The following ITK variants were observed in gnomAD, a reference collection of about 807,000 sequenced individuals.
ITK encodes the protein tyrosine-protein kinase ITK/TSK.
A neutral mutation model predicts 87.6 loss-of-function variants in ITK; 45 were observed. The observed-to-expected ratio is 0.51, with a 90% CI of 0.40 to 0.66. The LOEUF is 0.66. ITK is among the 30% of genes least tolerant of loss of function. ITK has a pLI of 0.00. For synonymous variants in ITK, 303 were observed against 273.6 expected (o/e 1.11, Z -1.06); for missense variants, 605 against 766.3 (o/e 0.79, Z 2.48).
At chr5:157,187,720 A>G (rs1363427028) in intron 1 of ITK, among the ~76,000 whole-genome samples, 1 of 152,122 alleles carries the variant, frequency 6.6e-6, no homozygotes, top group African/African-American at 2.4e-5. Flanking sequence ...AGGAGAATTA[A>G]GCAACTCTTT....
intron 16 of ITK, among the ~76,000 whole-genome samples, chr5:157,250,684 T>C (rs1201714344): frequency 1.3e-5 from 2 of 152,068 alleles, no homozygotes; most frequent in Non-Finnish European, 2.9e-5. Flanking sequence ...GCCCAGCTAA[T>C]TTTTTGTATT....
At chr5:157,228,622 A>C (rs1580897739) in intron 7 of ITK, among the ~76,000 whole-genome samples, 1 of 152,308 alleles carries the variant, frequency 6.6e-6, no homozygotes, top group South Asian at 2.1e-4. Flanking sequence ...GAAGTACTTA[A>C]AAAGAAATTT....
intron 16 of ITK, among the ~76,000 whole-genome samples, chr5:157,249,534 T>C (rs988666456): frequency 6.6e-6 from 1 of 152,234 alleles, no homozygotes; most frequent in African/African-American, 2.4e-5. Context: ...ACTATGAGTC[T>C]TAGTCTTTGC....
intron 1 of ITK, among the ~76,000 whole-genome samples, chr5:157,185,532 G>A (rs544723084): frequency 2.1e-4 from 32 of 152,118 alleles, no homozygotes; most frequent in Middle Eastern, 3.4e-3. Context: ...GAGCCATCGC[G>A]CCTGGCCTAT....
chr5:157,244,624 G>T, intron 13 of ITK, 146 bp downstream of exon 13: 1 of 693,746 alleles, frequency 1.4e-6, no homozygotes. Flanking sequence ...TACTTTGGGT[G>T]GTCCTAGTGG....
chr5:157,228,638 C>T (rs76629989), intron 7 of ITK, among the ~76,000 whole-genome samples: 2,478 of 152,070 alleles, frequency 0.016, 26 homozygotes, highest in Non-Finnish European at 0.027. Flanking sequence ...AATTTTTCTT[C>T]TTTAATTTTT....
At chr5:157,237,416 T>C (rs955872999) in intron 8 of ITK, among the ~76,000 whole-genome samples, 22 of 152,214 alleles carry the variant, frequency 1.4e-4, no homozygotes, top group African/African-American at 5.3e-4. Flanking sequence ...ATAGAAAAAC[T>C]ACCTATTGGG....
rs1282328812 is a variant in ITK, at chr5:157,184,593, A to T, written c.138+3478A>T. Among the ~76,000 whole-genome samples, 3 of 152,178 alleles carry T rather than the reference A, an allele frequency of 2.0e-5. No homozygotes were observed. In the East Asian group the frequency reaches 5.8e-4, roughly 29 times the overall value. On this transcript the variant is annotated intron_variant, in intron 1 of 16. Coordinates refer to ENST00000422843, the MANE Select transcript of ITK (RefSeq NM_005546.4). Reference sequence around the variant, plus strand: ...CCTAAATGGGAATAAAGCATCATAGATTGGTGTGGCTCACGTGGCCACTTT... The same window carrying T: ...CCTAAATGGGAATAAAGCATCATAGTTTGGTGTGGCTCACGTGGCCACTTT...
At chr5:157,207,459 C>T (rs532583537) in intron 1 of ITK, among the ~76,000 whole-genome samples, 4 of 139,090 alleles carry the variant, frequency 2.9e-5, no homozygotes, top group African/African-American at 1.1e-4. Flanking sequence ...CCACTCACTG[C>T]AAGCTCCGCC....
intron 1 of ITK, among the ~76,000 whole-genome samples, chr5:157,198,586 C>T (rs1753898168): frequency 6.6e-6 from 1 of 152,062 alleles, no homozygotes; most frequent in African/African-American, 2.4e-5. Context: ...TCCAGGGAGC[C>T]TTGAAATTAA....
chr5:157,228,234 C>G (rs957243956), intron 6 of ITK, 62 bp from the exon 7 acceptor site: 7 of 986,246 alleles, frequency 7.1e-6, no homozygotes, highest in African/African-American at 1.6e-5. Flanking sequence ...ATGGATTAAA[C>G]CTATAAAATG....
chr5:157,229,206 A>G (rs1440331941), intron 7 of ITK, among the ~76,000 whole-genome samples: 1 of 152,254 alleles, frequency 6.6e-6, no homozygotes, highest in Non-Finnish European at 1.5e-5. Flanking sequence ...CAGAGTATCA[A>G]CTGATTCAGG....
chr5:157,245,876 C>T lies in ITK; in HGVS notation c.1515-5C>T, dbSNP rs753202952. On this transcript the variant is annotated splice_region_variant and splice_polypyrimidine_tract_variant and intron_variant, in intron 14 of 16. Coordinates refer to ENST00000422843, the MANE Select transcript of ITK (RefSeq NM_005546.4). ...TCTGACCTTCTCCCTCCACTCTCTTCCCAGGTTCGTTCTGGATGATCAGTA... is the reference window on the plus strand; with the variant it reads ...TCTGACCTTCTCCCTCCACTCTCTTTCCAGGTTCGTTCTGGATGATCAGTA... The T allele has an allele frequency of 6.2e-6, 10 of 1,613,236 alleles. No individual in the cohort carries two copies. In the South Asian group the frequency reaches 9.9e-5, roughly 16 times the overall value.
chr5:157,224,047 G>A (rs977544528), intron 6 of ITK, among the ~76,000 whole-genome samples: 40 of 152,168 alleles, frequency 2.6e-4, no homozygotes, highest in African/African-American at 9.4e-4. Flanking sequence ...AGTTTGGGAG[G>A]CCAAGGTGAG....
intron 7 of ITK, among the ~76,000 whole-genome samples, chr5:157,231,578 C>G (rs1036794947): frequency 1.3e-5 from 2 of 152,158 alleles, no homozygotes; most frequent in Non-Finnish European, 2.9e-5. Context: ...CCTTCCCTAC[C>G]CAGAACTTCT....
Position 157,253,011 on chromosome 5 carries a change from A to T in ITK, c.*333A>T, listed in dbSNP as rs995214094. On this transcript the variant is annotated 3_prime_UTR_variant, in exon 17 of 17. Transcript: ENST00000422843. ...GCACTTCTTAGCAACAGAGAGAGAC[A>T]TGAGTAAGACCCAGATTGCTATTTT... The T allele has an allele frequency of 2.3e-5, 10 of 425,568 alleles. No individual in the cohort carries two copies. The South Asian group carries it at 2.6e-4, about 11-fold the overall frequency. 26.4% of individuals were successfully genotyped at this position (425,568 alleles called of 1,614,324 possible). A position where few individuals can be genotyped will look rare whatever the true frequency, so the allele number is the denominator to read the frequency against.
intron 10 of ITK, 123 bp downstream of exon 10, chr5:157,240,318 C>A: frequency 2.2e-6 from 2 of 922,936 alleles, no homozygotes; most frequent in South Asian, 1.3e-5. Flanking sequence ...CATAAGAGTG[C>A]AAGCCCTATT....
chr5:157,232,468 G>T, intron 8 of ITK, 74 bp downstream of exon 8: 1 of 1,100,700 alleles, frequency 9.1e-7, no homozygotes, highest in Admixed American at 1.9e-5. Context: ...TGGAATCCCA[G>T]CGATTTGGCA....
intron 1 of ITK, among the ~76,000 whole-genome samples, chr5:157,193,681 A>G (rs1050520392): frequency 2.0e-5 from 3 of 152,316 alleles, no homozygotes; most frequent in South Asian, 2.1e-4. Context: ...TCTTCAATGG[A>G]CATTTTCAGA....
Sources: allele counts gnomAD v4.1 joint callset (sites outside exome capture counted in the v4.1 genomes callset), GRCh38; gene constraint gnomAD v4.1.1; transcripts MANE v1.5; gene names NCBI Gene and HGNC (gene_info 2026-07-23, HGNC 2026-07-21).